The following USP47 variants were observed in gnomAD, a reference collection of about 807,000 sequenced individuals.
USP47 encodes the protein ubiquitin specific peptidase 47.
USP47 carries 35 observed loss-of-function variants against 165.1 expected under a neutral mutation model. That is an observed-to-expected ratio of 0.21 (90% confidence interval 0.16 to 0.28). USP47 has a LOEUF of 0.28. Among genes scored for constraint, USP47 ranks in the 10% least tolerant of loss-of-function variants. The pLI, the probability that USP47 is intolerant of heterozygous loss-of-function variation, is 1.00. For missense variants in USP47, 1,277 were observed against 1,607.4 expected (o/e 0.79, Z 3.52); for synonymous variants, 531 against 544.5 (o/e 0.98, Z 0.35).
At chr11:11,903,085 C>A (rs548287742) in intron 6 of USP47, among the ~76,000 whole-genome samples, 178 bp from the exon 7 acceptor site, 1 of 152,092 alleles carries the variant, frequency 6.6e-6, no homozygotes, top group Non-Finnish European at 1.5e-5. Flanking sequence ...ATGCTGCAAT[C>A]TATTTTCTGG....
At chr11:11,861,000 G>A (rs1590241106) in intron 1 of USP47, among the ~76,000 whole-genome samples, 1 of 152,152 alleles carries the variant, frequency 6.6e-6, no homozygotes, top group Admixed American at 6.5e-5. Context: ...GTGACGTTGG[G>A]CAGGTCACTT....
Position 11,942,976 on chromosome 11 carries a change from A to C in USP47, c.2955A>C (p.Thr985=). Reference sequence around the variant, plus strand: ...AAGCAAATGAAGGGAAAAAAGAAACATGGGATACAGCAGAAGAAGACTCTG... The same window carrying C: ...AAGCAAATGAAGGGAAAAAAGAAACCTGGGATACAGCAGAAGAAGACTCTG... The part of the protein sequence containing the change: ...RTKANEGKKE[T]WDTAEEDSGT... Residue 985 remains threonine, a synonymous_variant, in exon 20 of 28, where the codon ACA becomes ACC. Coordinates refer to ENST00000527733, the MANE Select transcript of USP47 (RefSeq NM_001282659.2). 6.2e-7 allele frequency: 1 copy of C among 1,613,548 alleles called. No individual in the cohort carries two copies. Among genetic ancestry groups the C allele is most frequent in the Non-Finnish European group, 8.5e-7 (1 of 1,179,654 alleles).
chr11:11,902,370 G>T (rs919732897), intron 5 of USP47, among the ~76,000 whole-genome samples: 1 of 152,080 alleles, frequency 6.6e-6, no homozygotes, highest in African/African-American at 2.4e-5. Flanking sequence ...AGTATCTCAC[G>T]TAATAGTATT....
chr11:11,859,869 C>T (rs1849273937), intron 1 of USP47, among the ~76,000 whole-genome samples: 2 of 151,824 alleles, frequency 1.3e-5, no homozygotes, highest in Admixed American at 6.6e-5. Flanking sequence ...TTTGGGAGGC[C>T]GAGGCAGGCG....
At chr11:11,925,383 G>A (rs773702085) in intron 11 of USP47, among the ~76,000 whole-genome samples, 5 of 152,104 alleles carry the variant, frequency 3.3e-5, no homozygotes, top group Non-Finnish European at 7.4e-5. Flanking sequence ...GATTACAGGC[G>A]TGAGCCACCG....
At chr11:11,892,828 A>G (rs1489388977) in intron 4 of USP47, among the ~76,000 whole-genome samples, 1 of 143,752 alleles carries the variant, frequency 7.0e-6, no homozygotes, top group Non-Finnish European at 1.5e-5. Flanking sequence ...TAAAAAAAAA[A>G]AAAAAAGAAA....
intron 16 of USP47, among the ~76,000 whole-genome samples, chr11:11,934,162 T>A (rs1479368156): frequency 6.6e-6 from 1 of 152,118 alleles, no homozygotes; most frequent in Non-Finnish European, 1.5e-5. Flanking sequence ...GATCCCAGAA[T>A]TAAAATTAGG....
At chr11:11,868,192 C>G (rs755606481) in intron 1 of USP47, among the ~76,000 whole-genome samples, 12 of 152,210 alleles carry the variant, frequency 7.9e-5, no homozygotes, top group Non-Finnish European at 1.5e-4. Flanking sequence ...AATACACTAT[C>G]AGAACCAAGA....
chr11:11,929,630 G>A (rs910833368), intron 12 of USP47, 65 bp downstream of exon 12: 85 of 1,569,498 alleles, frequency 5.4e-5, no homozygotes, highest in Non-Finnish European at 7.3e-5. Context: ...CTAAACAACA[G>A]TAAAGTTTAT....
intron 1 of USP47, among the ~76,000 whole-genome samples, chr11:11,843,407 A>G (rs1848253427): frequency 6.6e-6 from 1 of 152,212 alleles, no homozygotes; most frequent in African/African-American, 2.4e-5. Context: ...AGCGTCACCA[A>G]CTCTGTGCAA....
intron 1 of USP47, among the ~76,000 whole-genome samples, chr11:11,844,962 C>T (rs933630489): frequency 3.9e-5 from 6 of 152,062 alleles, no homozygotes; most frequent in East Asian, 1.9e-4. Flanking sequence ...CAGTTCACAG[C>T]CTGGTTTTGT....
At chr11:11,924,408 T>C (rs1399187719) in intron 11 of USP47, among the ~76,000 whole-genome samples, 1 of 152,184 alleles carries the variant, frequency 6.6e-6, no homozygotes, top group Non-Finnish European at 1.5e-5. Flanking sequence ...GTTCATGAGA[T>C]GCATTGATCT....
At chr11:11,927,672 C>G (rs930510441) in intron 11 of USP47, among the ~76,000 whole-genome samples, 7 of 152,030 alleles carry the variant, frequency 4.6e-5, no homozygotes, top group African/African-American at 1.7e-4. Flanking sequence ...TTCTGTTCTA[C>G]GCAGATCTAG....
At chr11:11,930,565 T>C (rs1306081809) in intron 13 of USP47, 131 bp from the exon 14 acceptor site, 3 of 701,810 alleles carry the variant, frequency 4.3e-6, no homozygotes, top group Non-Finnish European at 7.1e-6. Flanking sequence ...TAAATCTCAG[T>C]GTGTCTGTGA....
At chr11:11,880,726 T>C (rs149716482) in intron 2 of USP47, among the ~76,000 whole-genome samples, 2,572 of 152,288 alleles carry the variant, frequency 0.017, 34 homozygotes, top group Middle Eastern at 0.034. Flanking sequence ...TGTAAAATCA[T>C]ATTTTATGAT....
At chr11:11,910,305 A>T (rs1350672349) in intron 8 of USP47, among the ~76,000 whole-genome samples, 8 of 152,190 alleles carry the variant, frequency 5.3e-5, no homozygotes, top group African/African-American at 1.9e-4. Flanking sequence ...AATATATCCC[A>T]GGCTTGGAAC....
intron 1 of USP47, among the ~76,000 whole-genome samples, chr11:11,879,621 C>T (rs770025785): frequency 3.3e-5 from 5 of 152,070 alleles, no homozygotes; most frequent in African/African-American, 7.2e-5. Flanking sequence ...GCCCCTGACA[C>T]GTTAATAAAT....
chr11:11,902,465 CTTCTT>C (rs1452947108), intron 5 of USP47, among the ~76,000 whole-genome samples: 4 of 152,122 alleles, frequency 2.6e-5, no homozygotes, highest in Non-Finnish European at 5.9e-5. Flanking sequence ...TGAGCTTTGC[CTTCTT>C]TTCTTGAGCA....
intron 1 of USP47, among the ~76,000 whole-genome samples, chr11:11,872,576 C>T (rs1451766346): frequency 1.3e-5 from 2 of 152,174 alleles, no homozygotes; most frequent in African/African-American, 4.8e-5. Flanking sequence ...GGTACAGATA[C>T]ATAAAGACCC....
Sources: allele counts gnomAD v4.1 joint callset (sites outside exome capture counted in the v4.1 genomes callset), GRCh38; gene constraint gnomAD v4.1.1; transcripts MANE v1.5; gene names NCBI Gene and HGNC (gene_info 2026-07-23, HGNC 2026-07-21).